ADAM8: variants seen among roughly 807,000 people sequenced by gnomAD.
The protein encoded by ADAM8 is disintegrin and metalloproteinase domain-containing protein 8.
Under a neutral mutation model 102.4 loss-of-function variants are expected in ADAM8, and 104 were observed. The ratio of observed to expected loss-of-function variants is 1.02; its 90% CI spans 0.87 to 1.20. The LOEUF (loss-of-function observed/expected upper bound fraction) is 1.20, where lower values mean the gene tolerates loss of function less well. Ranked by LOEUF, ADAM8 falls within the 50% of genes most tolerant of loss-of-function variation. The pLI is 0.00. For missense variants in ADAM8, 1,132 were observed against 1,159.0 expected, an observed-to-expected ratio of 0.98 and a Z score of 0.34; for synonymous variants, 517 against 485.2, an observed-to-expected ratio of 1.07 and a Z score of -0.86.
At chr10:133,265,991 C>A (rs1408159744) in intron 21 of ADAM8, among the ~76,000 whole-genome samples, 1 of 152,150 alleles carries the variant, frequency 6.6e-6, no homozygotes, top group Non-Finnish European at 1.5e-5. Flanking sequence ...GTGGACGCTG[C>A]TCCAACTAGG....
intron 1 of ADAM8, among the ~76,000 whole-genome samples, chr10:133,276,231 G>A (rs1846745886): frequency 1.3e-5 from 2 of 152,182 alleles, no homozygotes; most frequent in African/African-American, 2.4e-5. Flanking sequence ...CCAGGAAACT[G>A]GCGGGAAGCA....
intron 21 of ADAM8, among the ~76,000 whole-genome samples, chr10:133,267,117 G>A (rs896456719): frequency 1.3e-5 from 2 of 152,152 alleles, no homozygotes; most frequent in African/African-American, 2.4e-5. Flanking sequence ...AGGAGAAGGA[G>A]CCAGGACCCC....
rs368585422 is a variant in ADAM8, at chr10:133,272,989, C to G, written c.604G>C (p.Val202Leu). 21 of 1,612,894 alleles carry G rather than the reference C, an allele frequency of 1.3e-5. No homozygotes were observed. In the East Asian group the frequency reaches 2.9e-4, roughly 22 times the overall value. Residue 202 changes from valine (V) to leucine (L), a missense_variant, in exon 7 of 23, where the codon GTG (valine) becomes CTG (leucine). Physicochemically the swap from Val to Leu is conservative, Grantham distance 32. Coordinates refer to ENST00000445355, the MANE Select transcript of ADAM8 (RefSeq NM_001109.5). ...DSLPSRETRY[V>L]ELYVVVDNAE... ...TTGTCCACGACCACATACAGCTCCACGTAGCGGGTCTCTCGGGATGGCAGA... is the reference window on the plus strand; with the variant it reads ...TTGTCCACGACCACATACAGCTCCAGGTAGCGGGTCTCTCGGGATGGCAGA...
intron 16 of ADAM8, among the ~76,000 whole-genome samples, 156 bp from the exon 17 acceptor site, chr10:133,270,130 TG>T (rs1271056200): frequency 6.6e-6 from 1 of 152,158 alleles, no homozygotes; most frequent in Non-Finnish European, 1.5e-5. Flanking sequence ...CCAAAGCCCC[TG>T]GGAAGTGGCC....
At chr10:133,265,105 C>T (rs551382157) in intron 21 of ADAM8, among the ~76,000 whole-genome samples, 10 of 144,888 alleles carry the variant, frequency 6.9e-5, no homozygotes, top group Non-Finnish European at 3.0e-5. Flanking sequence ...ACCTCCACGC[C>T]TGTTCCTGCT....
chr10:133,263,630 G>GGGAGGCCGTGCCACTGTCAGCCCCGTGC, intron 22 of ADAM8, 58 bp downstream of exon 22: 1 of 1,482,046 alleles, frequency 6.7e-7, no homozygotes, highest in Non-Finnish European at 9.0e-7. Context: ...CAGCCCCGTG[G>GGGAGGCCGTGCCACTGTCAGCCCCGTGC]GGAGGCCGTG....
Position 133,268,042 on chromosome 10 carries a change from C to T in ADAM8, c.2140G>A (p.Gly714Ser). ...HQAASRVPAKGGAPAPSRGPQ... is the reference protein window; with the variant it reads ...HQAASRVPAKSGAPAPSRGPQ... ...CCCCTGGATGGGGCTGGAGCCCCGC[C>T]CTTGGCCGGCACGCGGCTGGCAGCC... The change falls in exon 20 of 23, where the codon GGC becomes AGC. Residue 714 changes from glycine to serine, a missense_variant. Gly to Ser is a moderately conservative substitution (Grantham distance 56). Coordinates refer to ENST00000445355, the MANE Select transcript of ADAM8 (RefSeq NM_001109.5). The T allele has an allele frequency of 1.6e-6, 2 of 1,264,440 alleles. No homozygotes were observed. The highest frequency in any genetic ancestry group is 2.0e-6 in the Non-Finnish European group (2 of 997,742). 78.3% of individuals were successfully genotyped at this position (1,264,440 alleles called of 1,614,324 possible).
Position 133,268,764 on chromosome 10 carries a change from T to A in ADAM8, c.2047A>T (p.Ser683Cys). The A allele has an allele frequency of 1.2e-6, 2 of 1,610,616 alleles. No homozygotes were observed. Among genetic ancestry groups the A allele is most frequent in the Non-Finnish European group, 1.7e-6 (2 of 1,179,770 alleles). ...AGIIVYRKAR[S>C]RILSRNVAPK... is the part of the protein sequence containing the mutation. ...CACCCTCACCTGCTCAGGATGCGGC[T>A]CCGGGCTTTGCGGTAGACGATGATG... Residue 683 changes from serine (S) to cysteine (C), a missense_variant, in exon 19 of 23, where the codon AGC becomes TGC. Coordinates refer to ENST00000445355, the MANE Select transcript of ADAM8 (RefSeq NM_001109.5).
intron 20 of ADAM8, 132 bp from the exon 21 acceptor site, chr10:133,267,549 A>C: frequency 1.1e-6 from 1 of 891,004 alleles, no homozygotes; most frequent in Non-Finnish European, 1.7e-6. Context: ...ACAGGGCCCC[A>C]CCCCAGATGA....
rs780965691 is a variant in ADAM8 at position 133,270,495 on chromosome 10, G to A, written c.1650C>T (p.Gly550=). Residue 550 remains glycine (G), a synonymous_variant, in exon 16 of 23, where the codon GGC becomes GGT. Transcript: ENST00000445355. ...KASRYRADMC[G]VLQCKGGQQP... ...GCTGCCCACCCTTGCACTGCAGAAC[G>A]CCACACATGTCAGCCCTGTGGATGG... 1.1e-5 allele frequency: 17 copies of A among 1,595,868 alleles called. No individual in the cohort carries two copies. The highest frequency in any genetic ancestry group is 1.3e-5 in the African/African-American group (1 of 74,730).
At chr10:133,272,324 T>TTCCGCCC in intron 9 of ADAM8, 50 bp from the exon 10 acceptor site, 1 of 1,430,776 alleles carries the variant, frequency 7.0e-7, no homozygotes. Context: ...CCTCCCCACT[T>TTCCGCCC]CCCTCCCACC....
Position 133,271,252 on chromosome 10 carries a change from T to C in ADAM8, c.1322A>G (p.Gln441Arg), listed in dbSNP as rs746222640. Residue 441 changes from glutamine (Q) to arginine (R), a missense_variant, in exon 13 of 23, where the codon CAG becomes CGG. By Grantham distance (43) the Gln-to-Arg change is conservative (BLOSUM62 1). Coordinates refer to ENST00000445355, the MANE Select transcript of ADAM8 (RefSeq NM_001109.5). ...CGCACACTGGGCCCCCTCAGCCAGC[T>C]GGCAGGTGGTAGAGTTGCAGCAGCG... ...RNRCCNSTTC[Q>R]LAEGAQCAHG... The C allele has an allele frequency of 6.2e-7, 1 of 1,611,506 alleles. No individual in the cohort carries two copies. Among genetic ancestry groups the C allele is most frequent in the Non-Finnish European group, 8.5e-7 (1 of 1,179,786 alleles).
In ADAM8 at chr10:133,268,752, T is replaced by C. The variant is rs752470592; in HGVS notation, c.2059A>G (p.Ser687Gly). ...CACAGCCCCCACCACCCTCACCTGC[T>C]CAGGATGCGGCTCCGGGCTTTGCGG... ...VYRKARSRIL[S>G]RNVAPKTTMG... The change falls in exon 19 of 23, where the codon AGC becomes GGC. Residue 687 changes from serine to glycine, a missense_variant. Physicochemically the swap from Ser to Gly is moderately conservative, Grantham distance 56. Transcript: ENST00000445355. 2.5e-6 allele frequency: 4 copies of C among 1,609,698 alleles called. No individual in the cohort carries two copies. Among genetic ancestry groups the C allele is most frequent in the Non-Finnish European group, 3.4e-6 (4 of 1,179,618 alleles).
Position 133,270,946 on chromosome 10 carries a change from C to T in ADAM8, c.1499G>A (p.Gly500Glu), listed in dbSNP as rs765812249. 21 of 1,612,686 alleles carry T rather than the reference C, an allele frequency of 1.3e-5. No homozygotes were observed. The highest frequency in any genetic ancestry group is 1.8e-5 in the Non-Finnish European group (21 of 1,179,928). ...AFQENGTPCS[G>E]GYCYNGACPT... ...ACAGGCCCCGTTGTAGCAGTAGCCC[C>T]CGGAGCAGGGCGTGCCGTTCTCCTG... Residue 500 changes from glycine to glutamate, a missense_variant, in exon 14 of 23, where the codon GGG becomes GAG. Transcript: ENST00000445355.
At chr10:133,270,541 T>C in intron 15 of ADAM8, 31 bp from the exon 16 acceptor site, 1 of 1,572,054 alleles carries the variant, frequency 6.4e-7, no homozygotes, top group South Asian at 1.1e-5. Context: ...GTGGGCCAGC[T>C]TGCCTGGGAG....
rs549894725 is a variant in ADAM8 at position 133,269,210 on chromosome 10, G to C, written c.1948+235C>G. 1.0e-5 allele frequency: 10 copies of C among 983,484 alleles called. No individual in the cohort carries two copies. In the African/African-American group the frequency reaches 1.6e-4, roughly 15 times the overall value. The allele number at this position is 983,484 out of a possible 1,614,324, so 60.9% of individuals were successfully genotyped here. On this transcript the variant is annotated intron_variant, in intron 18 of 22. Transcript: ENST00000445355. ...ACAGGCTGAGGACACTGGAGTCTCA[G>C]CTCACGGCCGTGCCCTGCCCTCGGC...
chr10:133,263,899 G>GC, intron 21 of ADAM8, 134 bp from the exon 22 acceptor site: 1 of 724,084 alleles, frequency 1.4e-6, no homozygotes, highest in Non-Finnish European at 2.1e-6. Flanking sequence ...TGCAGGCTCC[G>GC]CCCCCACTGA....
At position 133,272,487 on chromosome 10, in the gene ADAM8, C is replaced by T. The variant is rs1258148169; in HGVS notation, c.804G>A (p.Leu268=). 3 of 1,612,226 alleles carry T rather than the reference C, an allele frequency of 1.9e-6. No individual in the cohort carries two copies. Among genetic ancestry groups the T allele is most frequent in the Admixed American group, 1.7e-5 (1 of 59,972 alleles). The change falls in exon 9 of 23, where the codon CTG becomes CTA. Residue 268 remains leucine, a synonymous_variant. Transcript: ENST00000445355. ...GTGCCTGCCAGGTCAGGAGGTTCTC[C>T]AGTGTGACACTGGGGTCGGGGCTGA... ...FHVSPDPSVT[L]ENLLTWQARQ... is the part of the protein sequence containing the mutation.
chr10:133,271,532 G>T lies in ADAM8; in HGVS notation c.1280C>A (p.Pro427His), dbSNP rs548692443. ...AGGTATGGGGCATGGACGCACCTCG[G>T]GGGGGCCGCAGTCGCACTGCTCCCC... Reference protein sequence around the residue: ...ERGEQCDCGPPEDCRNRCCNS... With the variant: ...ERGEQCDCGPHEDCRNRCCNS... The change falls in exon 12 of 23, where the codon CCC (proline) becomes CAC (histidine). Residue 427 changes from proline (P) to histidine (H), a missense_variant. Pro to His is a moderately conservative substitution (Grantham distance 77). Coordinates refer to ENST00000445355, the MANE Select transcript of ADAM8 (RefSeq NM_001109.5). The T allele has an allele frequency of 6.4e-7, 1 of 1,554,428 alleles. No individual in the cohort carries two copies. The highest frequency in any genetic ancestry group is 8.7e-7 in the Non-Finnish European group (1 of 1,149,068).
Sources: gnomAD v4.1 joint callset for allele counts (sites outside exome capture counted in the v4.1 genomes callset) on GRCh38, gnomAD v4.1.1 for gene constraint, MANE v1.5 for transcripts, NCBI Gene and HGNC (gene_info 2026-07-23, HGNC 2026-07-21) for gene names.